GLYR1: variants seen among roughly 807,000 people sequenced by gnomAD.
The protein encoded by GLYR1 is cytokine-like nuclear factor N-PAC.
Under a neutral mutation model 72.7 loss-of-function variants are expected in GLYR1, and 21 were observed. The observed-to-expected ratio is 0.29, with a 90% CI of 0.20 to 0.42. The LOEUF (loss-of-function observed/expected upper bound fraction) is 0.42, where lower values mean the gene tolerates loss of function less well. GLYR1 is among the 10% of genes least tolerant of loss of function. The probability of loss-of-function intolerance (pLI) is 1.00; values close to 1 mark genes in which losing one functional copy is unlikely to be tolerated. For synonymous variants in GLYR1, 392 were observed against 270.2 expected (o/e 1.45, Z -4.42); for missense variants, 594 against 712.1 (o/e 0.83, Z 1.89).
chr16:4,842,223 G>A (rs938887745), intron 3 of GLYR1, among the ~76,000 whole-genome samples: 5 of 148,242 alleles, frequency 3.4e-5, no homozygotes, highest in African/African-American at 1.0e-4. Flanking sequence ...CAGCCTGGGC[G>A]ACAGAGCGAG....
intron 5 of GLYR1, among the ~76,000 whole-genome samples, chr16:4,830,929 C>G (rs1289115536): frequency 1.3e-5 from 2 of 152,134 alleles, no homozygotes; most frequent in African/African-American, 4.8e-5. Flanking sequence ...ACTCAACTAC[C>G]CTTTTACAAA....
chr16:4,821,449 G>C lies in GLYR1; in HGVS notation c.737C>G (p.Thr246Ser). 1 of 1,614,072 alleles carries C rather than the reference G, an allele frequency of 6.2e-7. No homozygotes were observed. Among genetic ancestry groups the C allele is most frequent in the Non-Finnish European group, 8.5e-7 (1 of 1,180,052 alleles). The stretch of plus-strand genomic sequence containing the variant: ...AGCTGCCTGGATGGAGGTGGAGCCA[G>C]TTTCCTACGGACAGGAAGCACACAT... ...TKKLKICEEE[T>S]GSTSIQAADS... The change falls in exon 9 of 16, where the codon ACT (threonine) becomes AGT (serine). Residue 246 changes from threonine to serine, a missense_variant. Thr to Ser is a moderately conservative substitution (Grantham distance 58). Coordinates refer to ENST00000321919, the MANE Select transcript of GLYR1 (RefSeq NM_032569.4).
rs1401025605 is a variant in GLYR1, at chr16:4,844,351, G to C, written c.155+723C>G. Among the ~76,000 whole-genome samples the C allele has an allele frequency of 4.7e-5, 7 of 150,210 alleles. No homozygotes were observed. In the East Asian group the frequency reaches 1.5e-3, roughly 31 times the overall value. On this transcript the variant is annotated intron_variant, in intron 3 of 15. Transcript: ENST00000321919. ...TAACAATGTCAAAGCAAATCACTTA[G>C]TTTTACACATGAGAACATGATTGAA...
intron 12 of GLYR1, among the ~76,000 whole-genome samples, chr16:4,813,205 C>T (rs1039593825): frequency 5.3e-5 from 8 of 152,180 alleles, no homozygotes; most frequent in Non-Finnish European, 8.8e-5. Flanking sequence ...CCTCGTGATC[C>T]GCCCACCTCG....
chr16:4,843,191 T>C (rs925100109), intron 3 of GLYR1, among the ~76,000 whole-genome samples: 1 of 151,990 alleles, frequency 6.6e-6, no homozygotes, highest in Admixed American at 6.6e-5. Context: ...TTCTGAGACA[T>C]AGTCTCAGTC....
At chr16:4,836,270 G>A (rs1010882251) in intron 3 of GLYR1, among the ~76,000 whole-genome samples, 9 of 152,224 alleles carry the variant, frequency 5.9e-5, no homozygotes, top group Admixed American at 5.9e-4. Flanking sequence ...CTGCTCACCA[G>A]TGAGTTAAAA....
chr16:4,830,552 A>G (rs1358241629), intron 5 of GLYR1, among the ~76,000 whole-genome samples: 5 of 152,054 alleles, frequency 3.3e-5, no homozygotes. Context: ...TGCTTCCATT[A>G]CCTGCCTGGG....
intron 9 of GLYR1, chr16:4,817,999 GC>G: frequency 3.9e-6 from 1 of 254,880 alleles, no homozygotes; most frequent in Non-Finnish European, 7.3e-6. Context: ...TCCCCTTGCT[GC>G]CCTTTTTTTT....
Position 4,832,136 on chromosome 16 carries a change from C to A in GLYR1, c.380G>T (p.Arg127Leu). The change falls in exon 5 of 16, where the codon CGC becomes CTC. Residue 127 changes from arginine to leucine, a missense_variant. Around this residue, in one of 5 missense-constraint regions of GLYR1, gnomAD observed 252 missense variants for 211.3 expected, o/e 1.19. Coordinates refer to ENST00000321919, the MANE Select transcript of GLYR1 (RefSeq NM_032569.4). Reference sequence around the variant, plus strand: ...CTTCCCTTCAGACAGGCTAAGTTTGCGCTTCTCATCACCTGAGTTTGGCCT... The same window carrying A: ...CTTCCCTTCAGACAGGCTAAGTTTGAGCTTCTCATCACCTGAGTTTGGCCT... ...RSRPNSGDEK[R>L]KLSLSEGKVK... is the part of the protein sequence containing the mutation. The A allele has an allele frequency of 6.2e-7, 1 of 1,614,206 alleles. No individual in the cohort carries two copies. The highest frequency in any genetic ancestry group is 8.5e-7 in the Non-Finnish European group (1 of 1,180,034).
At chr16:4,816,711 C>T (rs1229354188) in intron 10 of GLYR1, among the ~76,000 whole-genome samples, 1 of 152,032 alleles carries the variant, frequency 6.6e-6, no homozygotes, top group Non-Finnish European at 1.5e-5. Flanking sequence ...GTGGGCCAGG[C>T]ACAGTGGCTC....
At chr16:4,843,388 C>T in intron 3 of GLYR1, 1 of 928,842 alleles carries the variant, frequency 1.1e-6, no homozygotes, top group Non-Finnish European at 1.4e-6. Context: ...CTCATGACCT[C>T]CAGTGATCCA....
At chr16:4,807,442 A>C (rs892068392) in intron 15 of GLYR1, among the ~76,000 whole-genome samples, 14 of 152,116 alleles carry the variant, frequency 9.2e-5, no homozygotes, top group African/African-American at 3.1e-4. Context: ...GAAAGTAAGA[A>C]AGGAGGAACA....
chr16:4,845,486 C>G (rs1225618252), intron 2 of GLYR1, among the ~76,000 whole-genome samples: 1 of 151,984 alleles, frequency 6.6e-6, no homozygotes, highest in African/African-American at 2.4e-5. Flanking sequence ...GCATCCCCTG[C>G]CCCCCACCAC....
At chr16:4,838,612 A>T (rs1019329074) in intron 3 of GLYR1, among the ~76,000 whole-genome samples, 3 of 150,602 alleles carry the variant, frequency 2.0e-5, no homozygotes, top group Non-Finnish European at 3.0e-5. Context: ...TTTGAGACAG[A>T]GTCTCACTCT....
At chr16:4,836,559 G>A (rs1192493596) in intron 3 of GLYR1, among the ~76,000 whole-genome samples, 1 of 152,140 alleles carries the variant, frequency 6.6e-6, no homozygotes, top group African/African-American at 2.4e-5. Flanking sequence ...AACAGGCAAG[G>A]TCATTACAGA....
chr16:4,843,870 TG>T (rs552114095), intron 3 of GLYR1: 463 of 95,374 alleles, frequency 4.9e-3, no homozygotes, highest in South Asian at 0.029. Context: ...CTGAGGGGGT[TG>T]GGGGGGGGAG....
chr16:4,831,163 A>C (rs980196339), intron 5 of GLYR1, among the ~76,000 whole-genome samples: 2 of 152,042 alleles, frequency 1.3e-5, no homozygotes, highest in Non-Finnish European at 2.9e-5. Context: ...CTATATAACC[A>C]ATTATGGAAT....
At chr16:4,816,829 T>C (rs2083668468) in intron 10 of GLYR1, among the ~76,000 whole-genome samples, 2 of 151,884 alleles carry the variant, frequency 1.3e-5, no homozygotes, top group African/African-American at 2.4e-5. Context: ...CTACTAAAAA[T>C]ACAAAAAATT....
At chr16:4,846,609 A>G in intron 1 of GLYR1, 2 of 259,474 alleles carry the variant, frequency 7.7e-6, no homozygotes, top group South Asian at 8.7e-5. Flanking sequence ...CAAGCTACGC[A>G]GCTCGAGGGA....
Sources: gnomAD v4.1 joint callset for allele counts (sites outside exome capture counted in the v4.1 genomes callset) on GRCh38, gnomAD v4.1.1 for gene constraint, gnomAD v4.1.1 regional missense constraint, MANE v1.5 for transcripts, NCBI Gene and HGNC (gene_info 2026-07-23, HGNC 2026-07-21) for gene names.